The following LPCAT3 variants were observed in gnomAD, a reference collection of about 807,000 sequenced individuals.
LPCAT3 encodes lysophosphatidylcholine acyltransferase 3.
Under a neutral mutation model 63.4 loss-of-function variants are expected in LPCAT3, and 21 were observed. That is an observed-to-expected ratio of 0.33 (90% CI 0.23 to 0.48). The LOEUF is 0.48. Ranked by LOEUF, LPCAT3 falls within the 20% of genes least tolerant of loss-of-function variation. The probability of loss-of-function intolerance (pLI) is 0.99; values close to 1 mark genes in which losing one functional copy is unlikely to be tolerated. For synonymous variants in LPCAT3, 242 were observed against 227.5 expected (o/e 1.06, Z -0.58); for missense variants, 451 against 590.6 (o/e 0.76, Z 2.45).
At chr12:6,992,498 TC>T (rs1476631438) in intron 1 of LPCAT3, among the ~76,000 whole-genome samples, 1 of 152,162 alleles carries the variant, frequency 6.6e-6, no homozygotes, top group Non-Finnish European at 1.5e-5. Flanking sequence ...TTTTGCAACA[TC>T]AGTGCAAGTG....
At chr12:7,001,948 G>A (rs781944007) in intron 1 of LPCAT3, among the ~76,000 whole-genome samples, 7 of 151,982 alleles carry the variant, frequency 4.6e-5, no homozygotes, top group East Asian at 3.9e-4. Flanking sequence ...TGTGGGAGTC[G>A]GGGGGGAGTT....
At chr12:7,000,231 G>A (rs1946673191) in intron 1 of LPCAT3, among the ~76,000 whole-genome samples, 2 of 151,320 alleles carry the variant, frequency 1.3e-5, no homozygotes, top group African/African-American at 2.4e-5. Context: ...ACTTACATTC[G>A]TTAAACCTCA....
At chr12:7,009,190 T>C (rs1468679706) in intron 1 of LPCAT3, among the ~76,000 whole-genome samples, 2 of 152,192 alleles carry the variant, frequency 1.3e-5, no homozygotes, top group African/African-American at 4.8e-5. Flanking sequence ...GCTTCCCAAG[T>C]AGCTGGGACT....
intron 1 of LPCAT3, among the ~76,000 whole-genome samples, chr12:7,009,501 C>T (rs1227174730): frequency 6.6e-6 from 1 of 152,214 alleles, no homozygotes; most frequent in African/African-American, 2.4e-5. Flanking sequence ...GGGCACTATC[C>T]TCAGAGTTTC....
At chr12:6,990,977 C>A (rs1268326826) in intron 1 of LPCAT3, among the ~76,000 whole-genome samples, 1 of 148,670 alleles carries the variant, frequency 6.7e-6, no homozygotes, top group African/African-American at 2.5e-5. Flanking sequence ...ATGATTAATT[C>A]AGTAAAAATA....
At chr12:6,984,893 C>T (rs1455708297) in intron 1 of LPCAT3, among the ~76,000 whole-genome samples, 3 of 152,054 alleles carry the variant, frequency 2.0e-5, no homozygotes, top group Admixed American at 6.6e-5. Flanking sequence ...TGAATTGCTG[C>T]GATTCTTGCT....
At chr12:6,980,973 C>T (rs1292440478) in intron 6 of LPCAT3, 31 bp downstream of exon 6, 3 of 1,543,190 alleles carry the variant, frequency 1.9e-6, no homozygotes, top group East Asian at 2.3e-5. Context: ...GAAATACCTA[C>T]ACAAACATCT....
chr12:6,994,686 C>T (rs1201995325), intron 1 of LPCAT3, among the ~76,000 whole-genome samples: 2 of 152,228 alleles, frequency 1.3e-5, no homozygotes, highest in Non-Finnish European at 2.9e-5. Context: ...AACTCCTGAG[C>T]TCAAGCAATC....
At chr12:7,013,387 G>A (rs1242983254) in intron 1 of LPCAT3, among the ~76,000 whole-genome samples, 1 of 152,190 alleles carries the variant, frequency 6.6e-6, no homozygotes, top group Non-Finnish European at 1.5e-5. Flanking sequence ...GCACAGGATC[G>A]GATCACTCTG....
chr12:7,010,506 T>TG (rs1307461095), intron 1 of LPCAT3, among the ~76,000 whole-genome samples: 2 of 152,198 alleles, frequency 1.3e-5, no homozygotes, highest in Non-Finnish European at 2.9e-5. Flanking sequence ...CCTTGACTTC[T>TG]GGGGCTCTGG....
At chr12:6,986,301 C>T (rs1289164861) in intron 1 of LPCAT3, among the ~76,000 whole-genome samples, 1 of 152,194 alleles carries the variant, frequency 6.6e-6, no homozygotes, top group Non-Finnish European at 1.5e-5. Flanking sequence ...TATGCTGATC[C>T]ACTTCCACTG....
rs1453754601 is a variant in LPCAT3, at chr12:7,017,232, A to G, written c.151+1042T>C. On this transcript the variant is annotated intron_variant, in intron 1 of 12. Coordinates refer to ENST00000261407, the MANE Select transcript of LPCAT3 (RefSeq NM_005768.6). The surrounding 1 kb of genome is among the most constrained non-coding windows in gnomAD (Gnocchi z 4.1). ...ATCCTTCCCACTCACCCGCTCCTAAAGTTCTATAACCTTCATAAAACGTTC... is the reference window on the plus strand; with the variant it reads ...ATCCTTCCCACTCACCCGCTCCTAAGGTTCTATAACCTTCATAAAACGTTC... Among the ~76,000 whole-genome samples the G allele has an allele frequency of 1.3e-5, 2 of 152,154 alleles. No homozygotes were observed. Among genetic ancestry groups the G allele is most frequent in the African/African-American group, 4.8e-5 (2 of 41,414 alleles).
At chr12:6,979,409 C>CTT (rs1222706202) in intron 7 of LPCAT3, 62 bp downstream of exon 7, 1 of 1,254,364 alleles carries the variant, frequency 8.0e-7, no homozygotes, top group East Asian at 2.3e-5. Flanking sequence ...TGTAGGGATC[C>CTT]TTGCCTGTCC....
At chr12:6,979,797 A>T in intron 6 of LPCAT3, 1 of 573,532 alleles carries the variant, frequency 1.7e-6, no homozygotes, top group East Asian at 2.9e-5. Context: ...GTTGTAGGAA[A>T]GTCAGGGCAG....
chr12:6,982,570 G>C, intron 3 of LPCAT3, 106 bp downstream of exon 3: 1 of 775,528 alleles, frequency 1.3e-6, no homozygotes, highest in Non-Finnish European at 2.2e-6. Flanking sequence ...CTGGGAGAGG[G>C]GTTAGAAATT....
intron 1 of LPCAT3, among the ~76,000 whole-genome samples, chr12:7,008,129 C>A (rs1555156989): frequency 6.6e-6 from 1 of 152,038 alleles, no homozygotes; most frequent in African/African-American, 2.4e-5. Context: ...AAATTCTTAC[C>A]CAGAAATTAA....
intron 8 of LPCAT3, 46 bp downstream of exon 8, chr12:6,978,557 C>A: frequency 6.2e-7 from 1 of 1,613,194 alleles, no homozygotes; most frequent in Non-Finnish European, 8.5e-7. Context: ...CATACTGGCC[C>A]CCATGGCTTG....
intron 1 of LPCAT3, among the ~76,000 whole-genome samples, chr12:6,990,271 AG>A (rs1386703075): frequency 6.6e-6 from 1 of 151,806 alleles, no homozygotes; most frequent in Non-Finnish European, 1.5e-5. Context: ...GCACTTCGGG[AG>A]GCTGAGGCGG....
intron 1 of LPCAT3, among the ~76,000 whole-genome samples, chr12:6,989,009 C>T (rs1432012445): frequency 1.3e-5 from 2 of 151,866 alleles, no homozygotes; most frequent in Non-Finnish European, 1.5e-5. Context: ...GCCTGTAATC[C>T]CAGCTACTCG....
Sources: gnomAD v4.1 joint callset for allele counts (sites outside exome capture counted in the v4.1 genomes callset) on GRCh38, gnomAD v4.1.1 for gene constraint, Gnocchi (gnomAD v3.1) non-coding constraint, MANE v1.5 for transcripts, NCBI Gene and HGNC (gene_info 2026-07-23, HGNC 2026-07-21) for gene names.